PTCHD4: variants seen among roughly 807,000 people sequenced by gnomAD.
PTCHD4 encodes the protein patched domain containing 4.
PTCHD4 carries 33 observed loss-of-function variants against 58.1 expected under a neutral mutation model. The ratio of observed to expected loss-of-function variants is 0.57; its 90% CI spans 0.43 to 0.76. PTCHD4 has a LOEUF of 0.76. Ranked by LOEUF, PTCHD4 falls within the 30% of genes least tolerant of loss-of-function variation. The pLI, the probability that PTCHD4 is intolerant of heterozygous loss-of-function variation, is 0.00. For missense variants in PTCHD4, 1,058 were observed against 1,027.1 expected, an observed-to-expected ratio of 1.03 and a Z score of -0.41; for synonymous variants, 478 against 409.6, an observed-to-expected ratio of 1.17 and a Z score of -2.02.
intron 4 of PTCHD4, among the ~76,000 whole-genome samples, chr6:47,952,603 C>T (rs1466638466): frequency 6.6e-6 from 1 of 152,068 alleles, no homozygotes; most frequent in Non-Finnish European, 1.5e-5. Flanking sequence ...GATTACAATA[C>T]CATATTTTTG....
chr6:47,925,054 CCAGA>C (rs536543572), intron 4 of PTCHD4, among the ~76,000 whole-genome samples: 3 of 149,078 alleles, frequency 2.0e-5, no homozygotes, highest in African/African-American at 4.9e-5. Context: ...GCGCTTACAA[CCAGA>C]CATTTTATAT....
intron 3 of PTCHD4, among the ~76,000 whole-genome samples, chr6:48,035,412 G>T (rs902263436): frequency 2.0e-5 from 3 of 152,006 alleles, no homozygotes; most frequent in Non-Finnish European, 2.9e-5. Flanking sequence ...TGGTAGAACT[G>T]CCAGTTCTCT....
At chr6:48,019,816 T>C (rs1763003292) in intron 3 of PTCHD4, among the ~76,000 whole-genome samples, 1 of 152,108 alleles carries the variant, frequency 6.6e-6, no homozygotes, top group African/African-American at 2.4e-5. Flanking sequence ...AGGAATCGCC[T>C]AACTTAGTGG....
chr6:47,888,273 G>A (rs915922901), intron 4 of PTCHD4, among the ~76,000 whole-genome samples: 4 of 152,176 alleles, frequency 2.6e-5, no homozygotes, highest in African/African-American at 9.6e-5. Context: ...AGGAGAATGG[G>A]GTGAACCCGA....
At chr6:47,997,765 C>A (rs1489708507) in intron 4 of PTCHD4, among the ~76,000 whole-genome samples, 2 of 152,126 alleles carry the variant, frequency 1.3e-5, no homozygotes, top group Non-Finnish European at 2.9e-5. Flanking sequence ...TATAAGCCAC[C>A]ATGTTCCAGG....
chr6:47,892,478 T>A (rs1764410929), intron 4 of PTCHD4, among the ~76,000 whole-genome samples: 1 of 152,214 alleles, frequency 6.6e-6, no homozygotes, highest in Non-Finnish European at 1.5e-5. Context: ...TTTGTCCCAT[T>A]TGAAAACCAT....
intron 4 of PTCHD4, among the ~76,000 whole-genome samples, chr6:47,897,301 A>G (rs1424038658): frequency 6.6e-6 from 1 of 152,202 alleles, no homozygotes; most frequent in African/African-American, 2.4e-5. Context: ...ATTCCTCTAA[A>G]ACAGTAAGTA....
At chr6:48,062,367 G>T (rs1764660184) in intron 3 of PTCHD4, among the ~76,000 whole-genome samples, 1 of 151,762 alleles carries the variant, frequency 6.6e-6, no homozygotes, top group African/African-American at 2.4e-5. Context: ...CCAAGTCCTT[G>T]GTGGTTCTGA....
At chr6:47,951,085 T>C (rs1417947440) in intron 4 of PTCHD4, among the ~76,000 whole-genome samples, 2 of 152,198 alleles carry the variant, frequency 1.3e-5, no homozygotes, top group Non-Finnish European at 2.9e-5. Context: ...ATGTGATTTT[T>C]GCAAGGGGAT....
At position 47,874,302 on chromosome 6, in the gene PTCHD4, G is replaced by C. The variant is rs1234696513; in HGVS notation, c.*4001C>G. ...GGACTTTAGGCCCTTAAGACCAAAA[G>C]CCATGAGGCATTTATGAATAGGTGA... is the stretch of plus-strand genomic sequence containing the variant. On this transcript the variant is annotated 3_prime_UTR_variant, in exon 5 of 5. Coordinates refer to ENST00000339488, the MANE Select transcript of PTCHD4 (RefSeq NM_001384253.1). Among the ~76,000 whole-genome samples the C allele has an allele frequency of 1.3e-5, 2 of 151,632 alleles. No individual in the cohort carries two copies. Among genetic ancestry groups the C allele is most frequent in the African/African-American group, 4.8e-5 (2 of 41,352 alleles).
At chr6:47,915,784 G>C (rs2113875225) in intron 4 of PTCHD4, among the ~76,000 whole-genome samples, 1 of 152,060 alleles carries the variant, frequency 6.6e-6, no homozygotes, top group East Asian at 1.9e-4. Context: ...CTGGCACAAC[G>C]AAGCACAAAG....
intron 4 of PTCHD4, among the ~76,000 whole-genome samples, chr6:47,989,404 A>G (rs747896009): frequency 5.3e-5 from 8 of 152,200 alleles, no homozygotes; most frequent in Non-Finnish European, 1.2e-4. Context: ...AATGGGGAAA[A>G]CATCTCCAGG....
chr6:48,010,662 A>G lies in PTCHD4; in HGVS notation c.418-1548T>C, dbSNP rs143979043. ...TGTGCAGAACGTGCAGGTTTGTTACATAGTTATACATGTGCCATGTGGCTT... is the reference window on the plus strand; with the variant it reads ...TGTGCAGAACGTGCAGGTTTGTTACGTAGTTATACATGTGCCATGTGGCTT... On this transcript the variant is annotated intron_variant, in intron 3 of 4. Coordinates refer to ENST00000339488, the MANE Select transcript of PTCHD4 (RefSeq NM_001384253.1). Among the ~76,000 whole-genome samples the G allele has an allele frequency of 2.1e-3, 316 of 151,896 alleles. 2 individuals carry two copies. Among genetic ancestry groups the G allele is most frequent in the African/African-American group, 6.6e-3 (272 of 41,418 alleles).
At chr6:47,995,077 A>G (rs1354230225) in intron 4 of PTCHD4, among the ~76,000 whole-genome samples, 1 of 152,170 alleles carries the variant, frequency 6.6e-6, no homozygotes, top group Non-Finnish European at 1.5e-5. Flanking sequence ...CGTTTGTTTC[A>G]TTTGACCTGT....
At chr6:48,063,110 C>T (rs1010327604) in intron 3 of PTCHD4, among the ~76,000 whole-genome samples, 3 of 152,106 alleles carry the variant, frequency 2.0e-5, no homozygotes, top group African/African-American at 7.2e-5. Flanking sequence ...GCCAGGAATA[C>T]TCAAGCTTCT....
chr6:48,103,499 G>A (rs1765652278), intron 1 of PTCHD4, among the ~76,000 whole-genome samples: 1 of 152,058 alleles, frequency 6.6e-6, no homozygotes. Context: ...CACAAAGATG[G>A]GAAAAAACAG....
At chr6:47,968,689 A>C (rs1201219928) in intron 4 of PTCHD4, among the ~76,000 whole-genome samples, 1 of 152,164 alleles carries the variant, frequency 6.6e-6, no homozygotes, top group East Asian at 1.9e-4. Context: ...ATTTTTTTAA[A>C]AATAATTTTG....
At chr6:47,975,773 C>T (rs1456480967) in intron 4 of PTCHD4, among the ~76,000 whole-genome samples, 1 of 152,108 alleles carries the variant, frequency 6.6e-6, no homozygotes, top group Non-Finnish European at 1.5e-5. Flanking sequence ...TAAAGATGAA[C>T]AGGGAAGCTC....
At position 48,027,543 on chromosome 6, in the gene PTCHD4, C is replaced by A. The variant is rs374227936; in HGVS notation, c.418-18429G>T. Among the ~76,000 whole-genome samples, 226 of 152,204 alleles carry A rather than the reference C, an allele frequency of 1.5e-3. 4 individuals carry two copies. In the South Asian group the frequency reaches 0.045, roughly 30 times the overall value. Reference sequence around the variant, plus strand: ...GTTTCCAAAATCTCTTGTTAACTTGCAACTTTAGAGTTATGCTAAGTAACA... The same window carrying A: ...GTTTCCAAAATCTCTTGTTAACTTGAAACTTTAGAGTTATGCTAAGTAACA... On this transcript the variant is annotated intron_variant, in intron 3 of 4. Transcript: ENST00000339488.
Sources: allele counts gnomAD v4.1 joint callset (sites outside exome capture counted in the v4.1 genomes callset), GRCh38; gene constraint gnomAD v4.1.1; transcripts MANE v1.5; gene names NCBI Gene and HGNC (gene_info 2026-07-23, HGNC 2026-07-21).